The following FAM13A variants were observed in gnomAD, a reference collection of about 807,000 sequenced individuals.
FAM13A encodes the protein protein FAM13A.
FAM13A carries 76 observed loss-of-function variants against 129.6 expected under a neutral mutation model. The observed-to-expected ratio is 0.59, with a 90% confidence interval of 0.49 to 0.71. FAM13A has a LOEUF of 0.71. Among genes scored for constraint, FAM13A ranks in the 30% least tolerant of loss-of-function variants. The probability of loss-of-function intolerance (pLI) is 0.00; values close to 1 mark genes in which losing one functional copy is unlikely to be tolerated. For synonymous variants in FAM13A, 443 were observed against 449.9 expected (o/e 0.98, Z 0.20); for missense variants, 1,108 against 1,249.3 (o/e 0.89, Z 1.70).
intron 19 of FAM13A, among the ~76,000 whole-genome samples, chr4:88,740,976 T>C (rs1385227661): frequency 2.6e-5 from 4 of 152,176 alleles, no homozygotes; most frequent in African/African-American, 9.7e-5. Flanking sequence ...AAACCACAGA[T>C]GTCACCCGCT....
chr4:88,992,473 G>T (rs1218110837), intron 3 of FAM13A, among the ~76,000 whole-genome samples: 1 of 152,038 alleles, frequency 6.6e-6, no homozygotes, highest in Admixed American at 6.6e-5. Flanking sequence ...ATTTCACCAT[G>T]TTGGCCAGGC....
intron 8 of FAM13A, among the ~76,000 whole-genome samples, chr4:88,802,341 A>G (rs1341870150): frequency 1.3e-5 from 2 of 152,190 alleles, no homozygotes; most frequent in Non-Finnish European, 2.9e-5. Context: ...AACTTGCTAC[A>G]TGGAATGGTG....
intron 10 of FAM13A, 72 bp downstream of exon 10, chr4:88,787,681 C>T (rs1194041020): frequency 4.1e-5 from 59 of 1,428,856 alleles, no homozygotes; most frequent in Middle Eastern, 3.6e-4. Context: ...TATAACACAG[C>T]GACTAATTTG....
intron 1 of FAM13A, among the ~76,000 whole-genome samples, chr4:89,054,855 A>T (rs72665898): frequency 6.6e-6 from 1 of 151,994 alleles, no homozygotes; most frequent in Non-Finnish European, 1.5e-5. Context: ...CCACCTCACC[A>T]TAGCTCAGGG....
At chr4:88,768,173 A>G in intron 11 of FAM13A, 114 bp from the exon 12 acceptor site, 2 of 566,158 alleles carry the variant, frequency 3.5e-6, no homozygotes, top group South Asian at 2.9e-5. Context: ...AACTAATTCT[A>G]GTCCTCATAT....
intron 5 of FAM13A, among the ~76,000 whole-genome samples, chr4:88,925,986 C>G (rs930287954): frequency 1.3e-5 from 2 of 151,640 alleles, no homozygotes; most frequent in Admixed American, 6.6e-5. Context: ...GAACTTGCTG[C>G]GAGGATTGAG....
chr4:88,844,810 A>G (rs923545691), intron 7 of FAM13A, among the ~76,000 whole-genome samples: 1 of 152,174 alleles, frequency 6.6e-6, no homozygotes, highest in African/African-American at 2.4e-5. Context: ...TATGGGGCCA[A>G]ATAAAGACAG....
intron 6 of FAM13A, among the ~76,000 whole-genome samples, chr4:88,877,935 T>C (rs566153548): frequency 6.1e-4 from 93 of 152,270 alleles, no homozygotes; most frequent in Non-Finnish European, 1.1e-3. Context: ...ATTCTTTCTC[T>C]TTGTGAACAT....
chr4:88,814,079 G>A (rs1012877836), intron 7 of FAM13A, among the ~76,000 whole-genome samples: 6 of 152,288 alleles, frequency 3.9e-5, no homozygotes, highest in African/African-American at 1.2e-4. Flanking sequence ...TGTACAAAGC[G>A]TTTACGTGCA....
At chr4:89,005,951 A>T (rs1430310876) in intron 3 of FAM13A, among the ~76,000 whole-genome samples, 1 of 151,984 alleles carries the variant, frequency 6.6e-6, no homozygotes, top group Non-Finnish European at 1.5e-5. Context: ...TTTTGTTGTG[A>T]TTGTTTTTGG....
chr4:89,017,823 T>C (rs75381512), intron 3 of FAM13A, among the ~76,000 whole-genome samples: 7,285 of 152,206 alleles, frequency 0.048, 281 homozygotes, highest in South Asian at 0.22. Context: ...ATACATATCG[T>C]GAAAAAGTTC....
chr4:89,017,879 T>A (rs539199994), intron 3 of FAM13A, among the ~76,000 whole-genome samples: 2 of 152,284 alleles, frequency 1.3e-5, no homozygotes, highest in Non-Finnish European at 2.9e-5. Context: ...CTCACTGACA[T>A]ACAAAGCTTA....
chr4:88,962,864 A>G (rs765568563), intron 4 of FAM13A, among the ~76,000 whole-genome samples: 3 of 152,224 alleles, frequency 2.0e-5, no homozygotes, highest in Non-Finnish European at 4.4e-5. Context: ...CTACTACAAC[A>G]GTGGTATAAA....
At chr4:88,893,111 A>C (rs1038819401) in intron 6 of FAM13A, among the ~76,000 whole-genome samples, 2 of 152,244 alleles carry the variant, frequency 1.3e-5, no homozygotes, top group African/African-American at 4.8e-5. Context: ...AAGCTTAATA[A>C]ACATATGACA....
chr4:89,026,510 A>G (rs751998923), intron 2 of FAM13A, among the ~76,000 whole-genome samples: 1 of 152,234 alleles, frequency 6.6e-6, no homozygotes, highest in Non-Finnish European at 1.5e-5. Flanking sequence ...TAAAAGAAAG[A>G]GGTTTAACTA....
At position 88,805,028 on chromosome 4, in the gene FAM13A, CAG is replaced by C. The variant is rs1389345630; in HGVS notation, c.1030_1031del (p.Leu344ValfsTer36). On this transcript the variant is annotated frameshift_variant, in exon 8 of 24. Transcript: ENST00000264344. LOFTEE classifies it high-confidence loss of function. ...VPSSQEDERP[L>X]SPFYLSAHVP... ...ATAAATACCTCAAATAGAAAGGTGA[CAG>C]AGGTCTTTCATCTTCCTGTGAACTA... 6.4e-6 allele frequency: 10 copies of C among 1,556,474 alleles called. No individual in the cohort carries two copies. Among genetic ancestry groups the C allele is most frequent in the Non-Finnish European group, 8.8e-6 (10 of 1,130,676 alleles).
intron 4 of FAM13A, among the ~76,000 whole-genome samples, chr4:88,960,533 CACA>C (rs1370927961): frequency 6.6e-6 from 1 of 152,140 alleles, no homozygotes; most frequent in African/African-American, 2.4e-5. Flanking sequence ...CACAAAAGTG[CACA>C]ACAATAAACT....
chr4:88,945,988 GTGTATATATA>G (rs1755708002), intron 4 of FAM13A, among the ~76,000 whole-genome samples: 2 of 13,674 alleles, frequency 1.5e-4, no homozygotes, highest in African/African-American at 3.3e-4. Flanking sequence ...GTGTGTGTGT[GTGTATATATA>G]TATATATATA....
intron 4 of FAM13A, among the ~76,000 whole-genome samples, chr4:88,969,036 T>C (rs1759727758): frequency 1.3e-5 from 2 of 152,196 alleles, no homozygotes; most frequent in African/African-American, 4.8e-5. Context: ...ATTAAGTCTT[T>C]AGTGACAGTA....
Sources: allele counts gnomAD v4.1 joint callset (sites outside exome capture counted in the v4.1 genomes callset), GRCh38; gene constraint gnomAD v4.1.1; transcripts MANE v1.5; gene names NCBI Gene and HGNC (gene_info 2026-07-23, HGNC 2026-07-21).